The following PREX2 variants were observed in gnomAD, a reference collection of about 807,000 sequenced individuals.
PREX2 encodes the protein phosphatidylinositol-3,4,5-trisphosphate dependent Rac exchange factor 2, also known as phosphatidylinositol 3,4,5-trisphosphate-dependent Rac exchanger 2 protein.
A neutral mutation model predicts 203.2 loss-of-function variants in PREX2; 107 were observed. The ratio of observed to expected loss-of-function variants is 0.53; its 90% CI spans 0.45 to 0.62. PREX2 has a LOEUF of 0.62. PREX2 is among the 20% of genes least tolerant of loss of function. PREX2 has a pLI of 0.00. For synonymous variants in PREX2, 672 were observed against 663.6 expected (o/e 1.01, Z -0.19); for missense variants, 1,777 against 1,955.9 (o/e 0.91, Z 1.72).
intron 23 of PREX2, chr8:68,102,860 A>C (rs1268081077): frequency 1.9e-6 from 1 of 518,466 alleles, no homozygotes; most frequent in African/African-American, 1.9e-5. Context: ...ACCTGGTCAG[A>C]CCTTACTGAT....
At position 68,186,060 on chromosome 8, in the gene PREX2, A is replaced by G. The variant is rs796395519; in HGVS notation, c.4347-5662A>G. On this transcript the variant is annotated intron_variant, in intron 35 of 39. Coordinates refer to ENST00000288368, the MANE Select transcript of PREX2 (RefSeq NM_024870.4). The stretch of plus-strand genomic sequence containing the variant: ...TGCTTTGGATATTTATGTCCTGTCC[A>G]CAGTTTGTCAAATTCTGAAAGATAC... 1.6e-5 allele frequency among the ~76,000 whole-genome samples: 2 copies of G among 122,940 alleles called. 1 individual carries two copies. The highest frequency in any genetic ancestry group is 6.6e-5 in the African/African-American group (2 of 30,486). 80.7% of individuals were successfully genotyped at this position (122,940 alleles called of 152,430 possible). A position where few individuals can be genotyped will look rare whatever the true frequency, so the allele number is the denominator to read the frequency against.
At chr8:68,114,344 T>TG (rs1213952540) in intron 25 of PREX2, 2 of 501,730 alleles carry the variant, frequency 4.0e-6, no homozygotes, top group African/African-American at 3.9e-5. Flanking sequence ...AACATTACAT[T>TG]GCTATGGAAA....
At position 68,208,549 on chromosome 8, in the gene PREX2, A is replaced by G. The variant is rs1413350459; in HGVS notation, c.4605-9067A>G. Among the ~76,000 whole-genome samples, 3 of 152,200 alleles carry G rather than the reference A, an allele frequency of 2.0e-5. No individual in the cohort carries two copies. The East Asian group carries it at 5.8e-4, about 29-fold the overall frequency. ...ATCAGGTTCAGTGAATTTCTAACAC[A>G]TCTGTTTCATGCAGATGCTTATTTT... is the stretch of plus-strand genomic sequence containing the variant. On this transcript the variant is annotated intron_variant, in intron 37 of 39. Transcript: ENST00000288368.
In PREX2 at chr8:68,078,116, G is replaced by A. The variant is rs528016835; in HGVS notation, c.1642+647G>A. The stretch of plus-strand genomic sequence containing the variant: ...TAATGATAGCAAGCTTTTCCTGTTC[G>A]TAACATCATATAGAATCCATAAACC... On this transcript the variant is annotated intron_variant, in intron 15 of 39. Coordinates refer to ENST00000288368, the MANE Select transcript of PREX2 (RefSeq NM_024870.4). 5.3e-5 allele frequency among the ~76,000 whole-genome samples: 8 copies of A among 152,028 alleles called. No individual in the cohort carries two copies. The South Asian group carries it at 6.2e-4, about 12-fold the overall frequency.
chr8:68,208,732 G>C (rs972883964), intron 37 of PREX2, among the ~76,000 whole-genome samples: 8 of 152,042 alleles, frequency 5.3e-5, no homozygotes, highest in African/African-American at 1.9e-4. Context: ...TCCAGGATGG[G>C]TGTTCAGATG....
chr8:68,056,585 G>A (rs1472121604), intron 10 of PREX2, among the ~76,000 whole-genome samples: 1 of 144,678 alleles, frequency 6.9e-6, no homozygotes, highest in Non-Finnish European at 1.5e-5. Flanking sequence ...TGCAGGGCCA[G>A]AAGGAAGGTT....
chr8:68,115,334 C>T (rs922806010), intron 25 of PREX2, among the ~76,000 whole-genome samples: 2 of 152,046 alleles, frequency 1.3e-5, no homozygotes, highest in African/African-American at 2.4e-5. Flanking sequence ...GGCTGATTAC[C>T]GAGTATTTTC....
chr8:67,978,575 T>C (rs1563481466), intron 1 of PREX2, among the ~76,000 whole-genome samples: 1 of 152,248 alleles, frequency 6.6e-6, no homozygotes, highest in Non-Finnish European at 1.5e-5. Flanking sequence ...AGTATCCCAT[T>C]ATATGAATGT....
intron 35 of PREX2, among the ~76,000 whole-genome samples, chr8:68,183,054 G>A (rs1243705936): frequency 1.3e-5 from 2 of 151,908 alleles, no homozygotes; most frequent in Non-Finnish European, 2.9e-5. Context: ...GAGATGGAAT[G>A]GGAAGTTTGT....
intron 1 of PREX2, among the ~76,000 whole-genome samples, chr8:67,987,010 G>A (rs1179147168): frequency 1.3e-5 from 2 of 151,732 alleles, no homozygotes; most frequent in Admixed American, 6.6e-5. Context: ...AAAATTAGCC[G>A]GGCACGGTGT....
intron 25 of PREX2, chr8:68,114,262 G>A (rs1347718796): frequency 2.0e-6 from 1 of 495,266 alleles, no homozygotes; most frequent in Non-Finnish European, 4.1e-6. Context: ...TTTATTCAAT[G>A]CACAGCATTG....
intron 5 of PREX2, among the ~76,000 whole-genome samples, chr8:68,029,915 T>C (rs1467299846): frequency 2.0e-5 from 3 of 152,156 alleles, no homozygotes; most frequent in African/African-American, 4.8e-5. Context: ...ATTTGTCACA[T>C]AGAATAAGCC....
intron 31 of PREX2, 131 bp from the exon 32 acceptor site, chr8:68,133,928 C>T: frequency 1.4e-6 from 1 of 701,818 alleles, no homozygotes; most frequent in Non-Finnish European, 2.4e-6. Flanking sequence ...TTATAGAGCT[C>T]AAATTCACAT....
intron 1 of PREX2, among the ~76,000 whole-genome samples, chr8:68,011,414 T>C (rs1489453057): frequency 7.4e-6 from 1 of 135,714 alleles, no homozygotes; most frequent in East Asian, 2.0e-4. Context: ...AAAAAATGAG[T>C]AAAATGGGCT....
chr8:68,079,278 T>C (rs1420665585), intron 15 of PREX2, among the ~76,000 whole-genome samples: 1 of 152,242 alleles, frequency 6.6e-6, no homozygotes, highest in East Asian at 1.9e-4. Flanking sequence ...CATCCAGTCT[T>C]TCAACCAAAG....
intron 25 of PREX2, among the ~76,000 whole-genome samples, chr8:68,110,293 C>G (rs908517925): frequency 3.9e-5 from 6 of 152,174 alleles, no homozygotes; most frequent in African/African-American, 1.4e-4. Context: ...GACGATGCTT[C>G]ACATCTAGTC....
chr8:68,079,123 C>A (rs1368854181), intron 15 of PREX2, among the ~76,000 whole-genome samples: 3 of 152,128 alleles, frequency 2.0e-5, no homozygotes, highest in Non-Finnish European at 4.4e-5. Flanking sequence ...GAGTTCGAGA[C>A]CAGCCTGGAC....
Position 68,077,429 on chromosome 8 carries a change from A to G in PREX2, c.1602A>G (p.Ile534Met). 3 of 1,613,828 alleles carry G rather than the reference A, an allele frequency of 1.9e-6. No individual in the cohort carries two copies. Among genetic ancestry groups the G allele is most frequent in the Non-Finnish European group, 2.5e-6 (3 of 1,179,770 alleles). The change falls in exon 15 of 40, where the codon ATA becomes ATG. Residue 534 changes from isoleucine to methionine, a missense_variant. Ile to Met is a conservative substitution (Grantham distance 10). Transcript: ENST00000288368. ...GDCRTREEAM[I>M]FGVGLCDNGF... ...GCCGCACCAGAGAAGAGGCAATGAT[A>G]TTTGGCGTTGGACTCTGTGACAATG...
intron 31 of PREX2, among the ~76,000 whole-genome samples, chr8:68,130,391 A>G (rs1247222674): frequency 6.6e-6 from 1 of 152,182 alleles, no homozygotes; most frequent in East Asian, 1.9e-4. Context: ...TAATTGAAAG[A>G]AAAAGACCTG....
Sources: allele counts gnomAD v4.1 joint callset (sites outside exome capture counted in the v4.1 genomes callset), GRCh38; gene constraint gnomAD v4.1.1; transcripts MANE v1.5; gene names NCBI Gene and HGNC (gene_info 2026-07-23, HGNC 2026-07-21).